The following POU6F2 variants were observed in gnomAD, a reference collection of about 807,000 sequenced individuals.
POU6F2 encodes the protein POU domain, class 6, transcription factor 2.
A neutral mutation model predicts 71.3 loss-of-function variants in POU6F2; 31 were observed. The observed-to-expected ratio is 0.43, with a 90% CI of 0.33 to 0.59. POU6F2 has a LOEUF of 0.59. POU6F2 is among the 20% of genes least tolerant of loss of function. POU6F2 has a pLI of 0.04. For synonymous variants in POU6F2, 347 were observed against 355.7 expected, an observed-to-expected ratio of 0.98 and a Z score of 0.27; for missense variants, 783 against 856.8, an observed-to-expected ratio of 0.91 and a Z score of 1.07.
At chr7:39,337,062 C>T (rs748078904) in intron 4 of POU6F2, among the ~76,000 whole-genome samples, 1 of 152,106 alleles carries the variant, frequency 6.6e-6, no homozygotes, top group Non-Finnish European at 1.5e-5. Flanking sequence ...TAGGGGTTTA[C>T]TGAGGAAACT....
intron 1 of POU6F2, among the ~76,000 whole-genome samples, chr7:39,043,723 G>A (rs922746368): frequency 9.9e-5 from 15 of 151,926 alleles, no homozygotes; most frequent in South Asian, 2.1e-4. Context: ...GTTATTAGCC[G>A]TTGTCTTGCT....
chr7:39,315,469 T>A lies in POU6F2; in HGVS notation c.599-24173T>A, dbSNP rs78230268. On this transcript the variant is annotated intron_variant, in intron 4 of 9. Transcript: ENST00000518318. ...TCCATAAACATTTTGATTGCATTAG[T>A]TTAGTTTGTGTTTTGGGGCCAGTAA... 4.5e-3 allele frequency among the ~76,000 whole-genome samples: 689 copies of A among 152,194 alleles called. 3 individuals carry two copies. Among genetic ancestry groups the A allele is most frequent in the African/African-American group, 0.016 (655 of 41,526 alleles).
chr7:39,045,736 A>G (rs192559852), intron 1 of POU6F2, among the ~76,000 whole-genome samples: 150 of 151,606 alleles, frequency 9.9e-4, no homozygotes, highest in African/African-American at 3.5e-3. Flanking sequence ...TCCTACCCCT[A>G]CCCCAGGCAA....
intron 5 of POU6F2, among the ~76,000 whole-genome samples, chr7:39,362,225 A>G (rs1005488436): frequency 3.3e-5 from 5 of 152,028 alleles, no homozygotes; most frequent in African/African-American, 1.2e-4. Context: ...CAAAATTCAG[A>G]TACTGTGCAT....
At chr7:39,340,353 A>G (rs1785890802) in intron 5 of POU6F2, among the ~76,000 whole-genome samples, 1 of 152,230 alleles carries the variant, frequency 6.6e-6, no homozygotes, top group South Asian at 2.1e-4. Flanking sequence ...GCATCCAATT[A>G]AAATTATTAC....
chr7:39,245,573 G>A (rs190200147), intron 4 of POU6F2, among the ~76,000 whole-genome samples: 31 of 152,250 alleles, frequency 2.0e-4, no homozygotes, highest in African/African-American at 3.1e-4. Context: ...TCCTGTCTGC[G>A]TCACATCATT....
chr7:38,994,841 T>C (rs958908819), intron 1 of POU6F2, among the ~76,000 whole-genome samples: 27 of 152,162 alleles, frequency 1.8e-4, no homozygotes, highest in African/African-American at 6.0e-4. Context: ...ACCTGCCATT[T>C]TGTATCTTGT....
At chr7:39,340,314 T>G (rs534039559) in intron 5 of POU6F2, among the ~76,000 whole-genome samples, 17 of 152,338 alleles carry the variant, frequency 1.1e-4, no homozygotes, top group African/African-American at 4.1e-4. Context: ...AATTCCATTT[T>G]ATGATACTTT....
At chr7:39,296,107 A>C (rs1431624473) in intron 4 of POU6F2, among the ~76,000 whole-genome samples, 1 of 152,242 alleles carries the variant, frequency 6.6e-6, no homozygotes, top group Non-Finnish European at 1.5e-5. Context: ...TTAAGCTTAT[A>C]GTATTCTAGT....
intron 4 of POU6F2, among the ~76,000 whole-genome samples, chr7:39,216,577 T>G (rs762570127): frequency 1.3e-5 from 2 of 152,090 alleles, no homozygotes; most frequent in Non-Finnish European, 2.9e-5. Flanking sequence ...ATGCAACTGT[T>G]CTCTGTCTAG....
At chr7:39,463,415 G>C (rs976761243) in intron 9 of POU6F2, among the ~76,000 whole-genome samples, 1 of 152,140 alleles carries the variant, frequency 6.6e-6, no homozygotes, top group African/African-American at 2.4e-5. Context: ...CCATTACACC[G>C]GCTGGTGTTT....
chr7:39,271,802 G>A (rs575002223), intron 4 of POU6F2, among the ~76,000 whole-genome samples: 12 of 152,008 alleles, frequency 7.9e-5, no homozygotes, highest in South Asian at 6.2e-4. Flanking sequence ...CGTTCAAATC[G>A]TCATTCAACT....
intron 1 of POU6F2, among the ~76,000 whole-genome samples, chr7:39,016,488 G>A (rs1193831195): frequency 6.6e-6 from 1 of 151,770 alleles, no homozygotes; most frequent in African/African-American, 2.4e-5. Flanking sequence ...AAACAAGATG[G>A]TAAAATAAAA....
intron 1 of POU6F2, among the ~76,000 whole-genome samples, chr7:39,054,348 AGCGTAATT>A (rs1486419335): frequency 3.3e-5 from 5 of 152,112 alleles, no homozygotes; most frequent in African/African-American, 1.2e-4. Flanking sequence ...AGTCATGGGC[AGCGTAATT>A]GCTCCTATTT....
At chr7:39,011,185 T>G (rs1207953613) in intron 1 of POU6F2, among the ~76,000 whole-genome samples, 7 of 140,956 alleles carry the variant, frequency 5.0e-5, no homozygotes, top group African/African-American at 1.6e-4. Context: ...CACTCAGGAC[T>G]TGCTTTATGA....
chr7:39,017,966 A>T (rs1167154349), intron 1 of POU6F2, among the ~76,000 whole-genome samples: 1 of 152,004 alleles, frequency 6.6e-6, no homozygotes, highest in Non-Finnish European at 1.5e-5. Flanking sequence ...GTTATACCTC[A>T]TTTCTTTTTC....
At chr7:39,189,255 A>T (rs1327274727) in intron 2 of POU6F2, among the ~76,000 whole-genome samples, 3 of 152,236 alleles carry the variant, frequency 2.0e-5, no homozygotes, top group Non-Finnish European at 2.9e-5. Context: ...ATGCCTGAAG[A>T]CAGACAAAAA....
At chr7:39,010,729 G>T (rs1789253472) in intron 1 of POU6F2, among the ~76,000 whole-genome samples, 1 of 139,832 alleles carries the variant, frequency 7.2e-6, no homozygotes, top group African/African-American at 2.7e-5. Context: ...TTGTGTCTTT[G>T]TTCTCGTTGG....
chr7:39,437,416 T>A (rs1217091259), intron 7 of POU6F2, among the ~76,000 whole-genome samples: 3 of 152,182 alleles, frequency 2.0e-5, no homozygotes, highest in African/African-American at 7.2e-5. Flanking sequence ...TGTAGAGATG[T>A]TTATAGTGTT....
Sources: gnomAD v4.1 joint callset for allele counts (sites outside exome capture counted in the v4.1 genomes callset) on GRCh38, gnomAD v4.1.1 for gene constraint, MANE v1.5 for transcripts, NCBI Gene and HGNC (gene_info 2026-07-23, HGNC 2026-07-21) for gene names.